The following PLEC variants were observed in gnomAD, a reference collection of about 807,000 sequenced individuals.
PLEC encodes the protein hemidesmosomal protein 1.
PLEC carries 216 observed loss-of-function variants against 392.8 expected under a neutral mutation model. That is an observed-to-expected ratio of 0.55 (90% CI 0.49 to 0.62). PLEC has a LOEUF of 0.62. PLEC is among the 20% of genes least tolerant of loss of function. The pLI is 0.00. For synonymous variants in PLEC, 3,621 were observed against 2,980.6 expected (o/e 1.21, Z -7.00); for missense variants, 6,863 against 6,563.4 (o/e 1.05, Z -1.58).
chr8:143,955,684 C>T (rs1465132990), upstream of PLEC, among the ~76,000 whole-genome samples: 3 of 151,978 alleles, frequency 2.0e-5, no homozygotes, highest in Non-Finnish European at 4.4e-5. Context: ...ACAGCAGCCT[C>T]GACCTCCTGG....
In PLEC at chr8:143,925,195, C is replaced by T; in HGVS notation, c.4734G>A (p.Leu1578=). ...CGGCGAAGGAGGCGCGTTTGCTCTG[C>T]AGCTCCGCCTCTGCACTGCGCTGCG... ...ETAQRSAEAE[L]QSKRASFAEK... is the part of the protein sequence containing the mutation. The change falls in exon 31 of 32, where the codon CTG becomes CTA. Residue 1578 remains leucine (L), a synonymous_variant. Transcript: ENST00000345136. 1 of 1,584,372 alleles carries T rather than the reference C, an allele frequency of 6.3e-7. No individual in the cohort carries two copies. Among genetic ancestry groups the T allele is most frequent in the Non-Finnish European group, 8.5e-7 (1 of 1,173,672 alleles).
In PLEC at chr8:143,932,444, T is replaced by C; in HGVS notation, c.1933A>G (p.Ser645Gly). ...GCGGTCATGTTGGTGTTGCGGTCGC[T>C]CCAGTCGAAGCCCACCTCCTCCTCC... is the stretch of plus-strand genomic sequence containing the variant. ...KEEEEVGFDW[S>G]DRNTNMTAKK... The change falls in exon 16 of 32, where the codon AGC becomes GGC. Residue 645 changes from serine to glycine, a missense_variant. Ser to Gly is a moderately conservative substitution (Grantham distance 56, BLOSUM62 0). Coordinates refer to ENST00000345136, the MANE Select transcript of PLEC (RefSeq NM_201384.3). 3 of 1,612,762 alleles carry C rather than the reference T, an allele frequency of 1.9e-6. No homozygotes were observed. Among genetic ancestry groups the C allele is most frequent in the Non-Finnish European group, 2.5e-6 (3 of 1,179,962 alleles).
At chr8:143,953,782 G>A (rs568074050), upstream of PLEC, 1 of 1,612,036 alleles carries the variant, frequency 6.2e-7, no homozygotes, top group African/African-American at 1.3e-5. Flanking sequence ...GTCTGCGCCG[G>A]GGCTGAGGGC....
chr8:143,924,150 T>C lies in PLEC; in HGVS notation c.5779A>G (p.Ile1927Val), dbSNP rs1358946879. The change falls in exon 31 of 32, where the codon ATC (isoleucine) becomes GTC (valine). Residue 1927 changes from isoleucine to valine, a missense_variant. Coordinates refer to ENST00000345136, the MANE Select transcript of PLEC (RefSeq NM_201384.3). ...LRQRRQVEEE[I>V]LALKASFEKA... ...TCGAAGCTCGCCTTCAGCGCCAGGA[T>C]CTCCTCCTCCACCTGCCGCCGCTGC... 5.0e-6 allele frequency: 8 copies of C among 1,598,054 alleles called. No individual in the cohort carries two copies. The highest frequency in any genetic ancestry group is 6.8e-6 in the Non-Finnish European group (8 of 1,179,278).
rs782375864 is a variant in PLEC, at chr8:143,924,414, G to T, written c.5515C>A (p.Leu1839Met). ...CGCGTGGCCTCGCCGATGGCGGCCA[G>T]CTTCTCCGCAAGCACCCGCTCCGCC... ...AEAERVLAEK[L>M]AAIGEATRLK... The change falls in exon 31 of 32, where the codon CTG (leucine) becomes ATG (methionine). Residue 1839 changes from leucine (L) to methionine (M), a missense_variant. Transcript: ENST00000345136. The T allele has an allele frequency of 2.5e-6, 4 of 1,592,374 alleles. No homozygotes were observed. Among genetic ancestry groups the T allele is most frequent in the Admixed American group, 3.4e-5 (2 of 59,680 alleles).
At position 143,920,799 on chromosome 8, in the gene PLEC, G is replaced by A. The variant is rs1410984638; in HGVS notation, c.9022C>T (p.Arg3008Ter). Residue 3008 changes from arginine to a stop codon, truncating the protein, a stop_gained, in exon 32 of 32, where the codon CGA (arginine) becomes TGA (stop). Coordinates refer to ENST00000345136, the MANE Select transcript of PLEC (RefSeq NM_201384.3). LOFTEE classifies it high-confidence loss of function. Reference protein sequence around the residue: ...QQLQRGERSVRDVAEVDTVRR... With the variant: ...QQLQRGERSV Reference sequence around the variant, plus strand: ...ACAGTGTCCACCTCGGCTACGTCTCGCACAGAGCGCTCACCTCGCTGCAGC... The same window carrying A: ...ACAGTGTCCACCTCGGCTACGTCTCACACAGAGCGCTCACCTCGCTGCAGC... The A allele has an allele frequency of 1.9e-6, 3 of 1,607,566 alleles. No individual in the cohort carries two copies. Among genetic ancestry groups the A allele is most frequent in the South Asian group, 1.1e-5 (1 of 91,076 alleles).
At chr8:143,952,791 CCG>C (rs1196962757), upstream of PLEC, among the ~76,000 whole-genome samples, 30 of 152,222 alleles carry the variant, frequency 2.0e-4, no homozygotes, top group African/African-American at 7.0e-4. Context: ...CCAACCAGCC[CCG>C]CCTCCCCCAA....
exon 1 of PLEC, chr8:143,950,662 G>A (rs375431240): frequency 6.3e-7 from 1 of 1,582,318 alleles, no homozygotes; most frequent in Non-Finnish European, 8.6e-7. Flanking sequence ...GCACCTCATA[G>A]ATGGCCCGCA....
At chr8:143,964,511 T>C (rs368460562) in intron 1 of PLEC, among the ~76,000 whole-genome samples, 10 of 152,120 alleles carry the variant, frequency 6.6e-5, no homozygotes, top group African/African-American at 2.2e-4. Flanking sequence ...CACCAGGAGC[T>C]GGAGAGGCCA....
Position 143,924,237 on chromosome 8 carries a change from G to C in PLEC, c.5692C>G (p.Leu1898Val). 1 of 1,598,354 alleles carries C rather than the reference G, an allele frequency of 6.3e-7. No homozygotes were observed. The highest frequency in any genetic ancestry group is 8.5e-7 in the Non-Finnish European group (1 of 1,179,388). Residue 1898 changes from leucine to valine, a missense_variant, in exon 31 of 32, where the codon CTG (leucine) becomes GTG (valine). By Grantham distance (32) the Leu-to-Val change is conservative. Coordinates refer to ENST00000345136, the MANE Select transcript of PLEC (RefSeq NM_201384.3). ...KADIEERLAQ[L>V]RKASDSELER... is the part of the protein sequence containing the mutation. ...AGCTCGCTGTCCGATGCCTTGCGCAGCTGGGCCAGGCGCTCCTCGATGTCA... is the reference window on the plus strand; with the variant it reads ...AGCTCGCTGTCCGATGCCTTGCGCACCTGGGCCAGGCGCTCCTCGATGTCA...
chr8:143,936,855 T>A, intron 5 of PLEC, 124 bp downstream of exon 5: 2 of 762,314 alleles, frequency 2.6e-6, no homozygotes, highest in East Asian at 5.0e-5. Flanking sequence ...CCACCATACC[T>A]ACGGCGCCAG....
rs1554708986 is a variant in PLEC, at chr8:143,927,926, C to T, written c.3327G>A (p.Glu1109=). Reference sequence around the variant, plus strand: ...CGGCCTGGGCCTCCTTGAGCTGCTCCTCGTGGGCCCTGAGCACCTCCTCGG... The same window carrying T: ...CGGCCTGGGCCTCCTTGAGCTGCTCTTCGTGGGCCCTGAGCACCTCCTCGG... The part of the protein sequence containing the change: ...QGAEEVLRAH[E]EQLKEAQAVP... The change falls in exon 26 of 32, where the codon GAG becomes GAA. Residue 1109 remains glutamate, a synonymous_variant. Coordinates refer to ENST00000345136, the MANE Select transcript of PLEC (RefSeq NM_201384.3). The T allele has an allele frequency of 1.2e-6, 2 of 1,601,790 alleles. No individual in the cohort carries two copies. Among genetic ancestry groups the T allele is most frequent in the South Asian group, 2.2e-5 (2 of 89,324 alleles).
rs1351858614 is a variant in PLEC at position 143,969,036 on chromosome 8, G to A, written c.70+4367C>T. ...TACCCAGCAGAAATAAAAAACATAC[G>A]ACCACACAAAAACGTGTATGCAAAC... On this transcript the variant is annotated intron_variant, in intron 1 of 31. Coordinates refer to the PLEC transcript ENST00000356346. This position sits in a 1 kb window ranked among gnomAD's most constrained non-coding sequence, Gnocchi z 5.1. Among the ~76,000 whole-genome samples the A allele has an allele frequency of 6.6e-6, 1 of 152,022 alleles. No homozygotes were observed. Among genetic ancestry groups the A allele is most frequent in the South Asian group, 2.1e-4 (1 of 4,816 alleles).
chr8:143,951,334 G>C (rs1261308006), upstream of PLEC, among the ~76,000 whole-genome samples: 3 of 152,124 alleles, frequency 2.0e-5, no homozygotes, highest in African/African-American at 7.2e-5. Context: ...TGCGAGGCTT[G>C]AGCGGAGAGG....
In PLEC at chr8:143,919,686, G is replaced by A. The variant is rs781857386; in HGVS notation, c.10135C>T (p.Leu3379=). ...AGCGCAGCCGTTGTGGCTCTCAGCA[G>A]GCCCCGGCGCATGGCCTCGTAGATG... ...VSIYEAMRRG[L]LRATTAALLL... Residue 3379 remains leucine (L), a synonymous_variant, in exon 32 of 32, where the codon CTG becomes TTG. Coordinates refer to ENST00000345136, the MANE Select transcript of PLEC (RefSeq NM_201384.3). 3.1e-6 allele frequency: 5 copies of A among 1,601,888 alleles called. No homozygotes were observed. Among genetic ancestry groups the A allele is most frequent in the Non-Finnish European group, 4.3e-6 (5 of 1,175,436 alleles).
At position 143,921,949 on chromosome 8, in the gene PLEC, C is replaced by G; in HGVS notation, c.7872G>C (p.Lys2624Asn). The change falls in exon 32 of 32, where the codon AAG (lysine) becomes AAC (asparagine). Residue 2624 changes from lysine to asparagine, a missense_variant. By Grantham distance (94) the Lys-to-Asn change is moderately conservative. Transcript: ENST00000345136. ...EVTASQVAAT[K>N]TLPNGRDALD... ...GTGCATCCCGGCCATTGGGCAGGGT[C>G]TTTGTGGCAGCCACCTGCGAGGCAG... 6.3e-7 allele frequency: 1 copy of G among 1,599,168 alleles called. No individual in the cohort carries two copies. The highest frequency in any genetic ancestry group is 8.5e-7 in the Non-Finnish European group (1 of 1,179,800).
At chr8:143,945,496 G>A (rs1587325439) in intron 1 of PLEC, among the ~76,000 whole-genome samples, 1 of 152,190 alleles carries the variant, frequency 6.6e-6, no homozygotes, top group Non-Finnish European at 1.5e-5. Flanking sequence ...CTCTTCCTGG[G>A]ACCCCTGTCT....
chr8:143,943,954 A>G (rs557790617), upstream of PLEC: 2 of 1,573,402 alleles, frequency 1.3e-6, no homozygotes, highest in East Asian at 2.3e-5. Flanking sequence ...TCCAGGCTAG[A>G]CAGCCCCCTC....
rs782775584 is a variant in PLEC, at chr8:143,923,829, G to T, written c.6100C>A (p.Arg2034=). The T allele has an allele frequency of 1.9e-6, 3 of 1,585,988 alleles. No individual in the cohort carries two copies. Among genetic ancestry groups the T allele is most frequent in the Non-Finnish European group, 2.6e-6 (3 of 1,174,126 alleles). ...GCCTCCTGGGCCAGCTGCAGCTGCC[G>T]CGCCGACTCCTGCTCCGCTCGCTCC... ...LRERAEQESA[R]QLQLAQEAAQ... is the part of the protein sequence containing the mutation. Residue 2034 remains arginine (R), a synonymous_variant, in exon 31 of 32, where the codon CGG becomes AGG. Transcript: ENST00000345136.
Sources: gnomAD v4.1 joint callset for allele counts (sites outside exome capture counted in the v4.1 genomes callset) on GRCh38, gnomAD v4.1.1 for gene constraint, Gnocchi (gnomAD v3.1) non-coding constraint, MANE v1.5 for transcripts, NCBI Gene and HGNC (gene_info 2026-07-23, HGNC 2026-07-21) for gene names.